Variants in GPI observed in about 807,000 individuals in gnomAD.
GPI encodes D-hexose-6-phosphate anomerase.
GPI carries 56 observed loss-of-function variants against 75.8 expected under a neutral mutation model. The ratio of observed to expected loss-of-function variants is 0.74; its 90% confidence interval spans 0.60 to 0.92. GPI has a LOEUF of 0.92. Ranked by LOEUF, GPI falls within the 40% of genes least tolerant of loss-of-function variation. The pLI is 0.00. For synonymous variants in GPI, 288 were observed against 285.4 expected (o/e 1.01, Z -0.09); for missense variants, 638 against 741.0 (o/e 0.86, Z 1.61).
upstream of GPI, among the ~76,000 whole-genome samples, chr19:34,361,671 C>T (rs1225381743): frequency 6.6e-6 from 1 of 152,160 alleles, no homozygotes; most frequent in East Asian, 1.9e-4. Context: ...AGATAGGAAC[C>T]TAGTTTCCTG....
At chr19:34,398,054 T>TC (rs1421358650) in intron 14 of GPI, 3 of 150,250 alleles carry the variant, frequency 2.0e-5, no homozygotes, top group African/African-American at 7.4e-5. Flanking sequence ...TGGCTAAGTT[T>TC]TTTTTTTTTT....
At position 34,400,870 on chromosome 19, in the gene GPI, C is replaced by G; in HGVS notation, c.*834C>G. ...CTCCCGAGTAGCTGGGATTACACGG[C>G]GCACACCACCATACCCAGCTAATTT... On this transcript the variant is annotated 3_prime_UTR_variant, in exon 18 of 18. Transcript: ENST00000356487. The G allele has an allele frequency of 3.1e-6, 1 of 327,458 alleles. No individual in the cohort carries two copies. The highest frequency in any genetic ancestry group is 5.5e-6 in the Non-Finnish European group (1 of 181,734). 20.3% of individuals were successfully genotyped at this position (327,458 alleles called of 1,614,324 possible). A position where few individuals can be genotyped will look rare whatever the true frequency, so the allele number is the denominator to read the frequency against.
upstream of GPI, among the ~76,000 whole-genome samples, chr19:34,364,326 C>A (rs2074322630): frequency 1.3e-5 from 2 of 151,896 alleles, no homozygotes; most frequent in South Asian, 4.1e-4. Flanking sequence ...AGAGTTCTTA[C>A]AATGACTTAC....
At chr19:34,381,715 A>C in intron 9 of GPI, 196 bp downstream of exon 9, 1 of 646,028 alleles carries the variant, frequency 1.5e-6, no homozygotes, top group East Asian at 2.7e-5. Flanking sequence ...CTTCCACCTG[A>C]GGGCGGGCTG....
At chr19:34,397,313 G>T (rs1381525034) in intron 14 of GPI, 1 of 153,432 alleles carries the variant, frequency 6.5e-6, no homozygotes, top group East Asian at 1.9e-4. Flanking sequence ...TCCTTGCTGT[G>T]GGCTGAAGGT....
chr19:34,366,666 C>A, intron 2 of GPI, 117 bp from the exon 3 acceptor site: 1 of 809,174 alleles, frequency 1.2e-6, no homozygotes, highest in South Asian at 1.4e-5. Flanking sequence ...GGGGAGGGAA[C>A]CAGACAGCAG....
chr19:34,384,651 T>G (rs989654695), intron 9 of GPI, among the ~76,000 whole-genome samples: 1 of 152,030 alleles, frequency 6.6e-6, no homozygotes, highest in African/African-American at 2.4e-5. Context: ...TCTGAGGATA[T>G]GAAGTGAAGG....
intron 12 of GPI, 108 bp from the exon 13 acceptor site, chr19:34,396,193 C>G: frequency 2.3e-6 from 3 of 1,285,936 alleles, no homozygotes; most frequent in Non-Finnish European, 3.3e-6. Flanking sequence ...CTGCCTTGGC[C>G]TCCCAAAGTG....
In GPI at chr19:34,396,390, G is replaced by C. The variant is rs775456023; in HGVS notation, c.1152G>C (p.Gly384=). 6.2e-7 allele frequency: 1 copy of C among 1,614,224 alleles called. No individual in the cohort carries two copies. Among genetic ancestry groups the C allele is most frequent in the Non-Finnish European group, 8.5e-7 (1 of 1,180,038 alleles). ...GCCCCATTGTGTGGGGGGAGCCAGGGACCAATGGCCAGCATGCTTTTTACC... is the reference window on the plus strand; with the variant it reads ...GCCCCATTGTGTGGGGGGAGCCAGGCACCAATGGCCAGCATGCTTTTTACC... The part of the protein sequence containing the change: ...QTGPIVWGEP[G]TNGQHAFYQL... Residue 384 remains glycine (G), a synonymous_variant, in exon 13 of 18, where the codon GGG becomes GGC. Coordinates refer to ENST00000356487, the MANE Select transcript of GPI (RefSeq NM_000175.5).
chr19:34,377,804 A>T lies in GPI; in HGVS notation c.556A>T (p.Asn186Tyr). 1 of 1,614,070 alleles carries T rather than the reference A, an allele frequency of 6.2e-7. No homozygotes were observed. Among genetic ancestry groups the T allele is most frequent in the African/African-American group, 1.3e-5 (1 of 74,996 alleles). ...SGGPRVWYVS[N>Y]IDGTHIAKTL... Reference sequence around the variant, plus strand: ...AGGTCCCCGCGTCTGGTATGTCTCCAACATTGATGGAACTCACATTGCCAA... The same window carrying T: ...AGGTCCCCGCGTCTGGTATGTCTCCTACATTGATGGAACTCACATTGCCAA... Residue 186 changes from asparagine (N) to tyrosine (Y), a missense_variant, in exon 6 of 18, where the codon AAC (asparagine) becomes TAC (tyrosine). Transcript: ENST00000356487.
rs2075012006 is a variant in GPI at position 34,400,855 on chromosome 19, GC to G, written c.*820del. 2.9e-6 allele frequency: 1 copy of G among 342,908 alleles called. No individual in the cohort carries two copies. Among genetic ancestry groups the G allele is most frequent in the Non-Finnish European group, 5.2e-6 (1 of 191,452 alleles). The allele number at this position is 342,908 out of a possible 1,614,324, so 21.2% of individuals were successfully genotyped here. A position where few individuals can be genotyped will look rare whatever the true frequency, so the allele number is the denominator to read the frequency against. ...TTCTCCTGCCTCAGCCTCCCGAGTA[GC>G]TGGGATTACACGGCGCACACCACCA... On this transcript the variant is annotated 3_prime_UTR_variant, in exon 18 of 18. Transcript: ENST00000356487.
At position 34,400,113 on chromosome 19, in the gene GPI, G is replaced by A. The variant is rs1461374950; in HGVS notation, c.*77G>A. On this transcript the variant is annotated 3_prime_UTR_variant, in exon 18 of 18. Coordinates refer to ENST00000356487, the MANE Select transcript of GPI (RefSeq NM_000175.5). ...CTCCTCCCCGGAGCCGGCACTGCAT[G>A]TTCCTGGACACCACCCAGAGCACCC... The A allele has an allele frequency of 5.4e-6, 8 of 1,469,560 alleles. No individual in the cohort carries two copies. Among genetic ancestry groups the A allele is most frequent in the Admixed American group, 5.0e-5 (3 of 59,782 alleles). 91.0% of individuals were successfully genotyped at this position (1,469,560 alleles called of 1,614,324 possible).
chr19:34,374,306 C>T (rs1179539053), intron 4 of GPI, among the ~76,000 whole-genome samples: 2 of 151,882 alleles, frequency 1.3e-5, no homozygotes, highest in Non-Finnish European at 2.9e-5. Context: ...TCTATAATAC[C>T]CCGTTGGTGT....
intron 7 of GPI, 145 bp from the exon 8 acceptor site, chr19:34,379,373 C>T (rs1431250042): frequency 3.6e-6 from 3 of 824,172 alleles, no homozygotes; most frequent in Admixed American, 3.4e-5. Flanking sequence ...TGACCTTGAC[C>T]TCGATGTGGG....
At chr19:34,378,642 A>G (rs1370369818) in intron 6 of GPI, among the ~76,000 whole-genome samples, 3 of 152,212 alleles carry the variant, frequency 2.0e-5, no homozygotes, top group Admixed American at 2.0e-4. Context: ...GAATTCTGAG[A>G]TACCTTCCAG....
At chr19:34,369,427 C>A (rs887716013) in intron 4 of GPI, among the ~76,000 whole-genome samples, 1 of 152,088 alleles carries the variant, frequency 6.6e-6, no homozygotes, top group African/African-American at 2.4e-5. Context: ...TCAACCCTGG[C>A]TGGGCGCGAT....
Position 34,396,299 on chromosome 19 carries a change from A to G in GPI, c.1063-2A>G. The G allele has an allele frequency of 6.2e-7, 1 of 1,614,048 alleles. No individual in the cohort carries two copies. Among genetic ancestry groups the G allele is most frequent in the Non-Finnish European group, 8.5e-7 (1 of 1,179,958 alleles). On this transcript the variant is annotated splice_acceptor_variant, in intron 12 of 17. Transcript: ENST00000356487. LOFTEE classifies it high-confidence loss of function. ...AGAACTGGGTTTCTGTTCCTTTTCC[A>G]GGGCGACATGGAGTCCAATGGGAAA...
chr19:34,399,033 A>G, intron 14 of GPI, 174 bp from the exon 15 acceptor site: 1 of 564,026 alleles, frequency 1.8e-6, no homozygotes. Context: ...AAGAGCAGTT[A>G]TCACTGTTCC....
chr19:34,361,455 T>A (rs2074301141), upstream of GPI, among the ~76,000 whole-genome samples: 1 of 152,120 alleles, frequency 6.6e-6, no homozygotes. Flanking sequence ...TTCATAGGAC[T>A]GCCATGAGGG....
Sources: allele counts gnomAD v4.1 joint callset (sites outside exome capture counted in the v4.1 genomes callset), GRCh38; gene constraint gnomAD v4.1.1; transcripts MANE v1.5; gene names NCBI Gene and HGNC (gene_info 2026-07-23, HGNC 2026-07-21).